Variants in RABGAP1L observed in about 807,000 individuals in gnomAD.
The protein encoded by RABGAP1L is RAB GTPase activating protein 1 like, also known as rab GTPase-activating protein 1-like.
In RABGAP1L, 63 loss-of-function variants were observed where a neutral mutation model predicts 137.7. The observed-to-expected ratio is 0.46, with a 90% CI of 0.37 to 0.56. RABGAP1L has a LOEUF of 0.56. Among genes scored for constraint, RABGAP1L ranks in the 20% least tolerant of loss-of-function variants. The pLI is 0.00. For synonymous variants in RABGAP1L, 431 were observed against 433.7 expected, an observed-to-expected ratio of 0.99 and a Z score of 0.08; for missense variants, 1,095 against 1,244.0, an observed-to-expected ratio of 0.88 and a Z score of 1.80.
At chr1:174,801,508 C>G (rs1011909128) in intron 18 of RABGAP1L, among the ~76,000 whole-genome samples, 2 of 152,170 alleles carry the variant, frequency 1.3e-5, no homozygotes, top group African/African-American at 4.8e-5. Context: ...ACAATCATAA[C>G]AGACATGTTA....
chr1:174,822,034 G>A (rs942804318), intron 19 of RABGAP1L, among the ~76,000 whole-genome samples: 10 of 152,156 alleles, frequency 6.6e-5, no homozygotes, highest in African/African-American at 1.2e-4. Flanking sequence ...AGGCCGAGGC[G>A]GGTGGATCAC....
At chr1:174,665,076 G>A (rs567798084) in intron 14 of RABGAP1L, among the ~76,000 whole-genome samples, 10 of 152,200 alleles carry the variant, frequency 6.6e-5, no homozygotes, top group African/African-American at 1.9e-4. Flanking sequence ...TCATTTTTCT[G>A]ATTGGTTTAT....
At chr1:174,407,844 A>T (rs1649454281) in intron 13 of RABGAP1L, among the ~76,000 whole-genome samples, 1 of 152,138 alleles carries the variant, frequency 6.6e-6, no homozygotes, top group African/African-American at 2.4e-5. Context: ...GCACTAAACA[A>T]TGAGAAATAT....
chr1:174,595,843 C>T (rs752775986), intron 13 of RABGAP1L, among the ~76,000 whole-genome samples: 4 of 89,090 alleles, frequency 4.5e-5, no homozygotes, highest in Non-Finnish European at 8.4e-5. Flanking sequence ...GTGGAGCCTA[C>T]AGAGGCAGGC....
Position 174,967,894 on chromosome 1 carries a change from T to C in RABGAP1L, c.2434-1383T>C, listed in dbSNP as rs1169859397. On this transcript the variant is annotated intron_variant, in intron 20 of 25. Coordinates refer to ENST00000681986, the MANE Select transcript of RABGAP1L (RefSeq NM_001366446.1). Reference sequence around the variant, plus strand: ...TTTTAGTCGATATGTTTTTCAATAATGTTTTAACATTCTCCAACTATTCTT... The same window carrying C: ...TTTTAGTCGATATGTTTTTCAATAACGTTTTAACATTCTCCAACTATTCTT... 2.0e-5 allele frequency among the ~76,000 whole-genome samples: 3 copies of C among 150,836 alleles called. No individual in the cohort carries two copies. In the East Asian group the frequency reaches 5.8e-4, roughly 29 times the overall value.
intron 17 of RABGAP1L, among the ~76,000 whole-genome samples, chr1:174,738,199 G>A (rs1683107846): frequency 6.6e-6 from 1 of 152,140 alleles, no homozygotes; most frequent in Non-Finnish European, 1.5e-5. Flanking sequence ...AAGAAATGGG[G>A]TCCCTGCCAC....
At chr1:174,600,448 G>T (rs1240951146) in intron 13 of RABGAP1L, among the ~76,000 whole-genome samples, 3 of 152,118 alleles carry the variant, frequency 2.0e-5, no homozygotes, top group Non-Finnish European at 4.4e-5. Flanking sequence ...CTGAGACAAG[G>T]CAAGTGCCTT....
Position 174,575,839 on chromosome 1 carries a change from C to T in RABGAP1L, c.1711-61536C>T, listed in dbSNP as rs185493488. 6.0e-3 allele frequency among the ~76,000 whole-genome samples: 909 copies of T among 152,274 alleles called. 16 individuals carry two copies. Among genetic ancestry groups the T allele is most frequent in the African/African-American group, 0.021 (873 of 41,558 alleles). ...AAGCTGGGTCCAGGAGGGTCACCGC[C>T]TTCTGGTCCTGCAATGCTGCCAATG... is the stretch of plus-strand genomic sequence containing the variant. On this transcript the variant is annotated intron_variant, in intron 13 of 25. Coordinates refer to ENST00000681986, the MANE Select transcript of RABGAP1L (RefSeq NM_001366446.1).
intron 1 of RABGAP1L, among the ~76,000 whole-genome samples, chr1:174,213,835 A>G (rs1392041284): frequency 6.6e-6 from 1 of 152,244 alleles, no homozygotes; most frequent in Non-Finnish European, 1.5e-5. Context: ...AGGAAGAAAT[A>G]TACTTCAACA....
chr1:174,265,614 C>CAA (rs1673996921), intron 7 of RABGAP1L, among the ~76,000 whole-genome samples: 1 of 149,718 alleles, frequency 6.7e-6, no homozygotes, highest in African/African-American at 2.4e-5. Context: ...TAAATTTTGA[C>CAA]CCTTTATTAA....
intron 18 of RABGAP1L, among the ~76,000 whole-genome samples, chr1:174,787,772 A>T (rs1177017983): frequency 6.6e-6 from 1 of 152,148 alleles, no homozygotes; most frequent in Non-Finnish European, 1.5e-5. Flanking sequence ...ACATATGGAG[A>T]ATAGTTAGGA....
At chr1:174,383,756 C>T (rs540938851) in intron 12 of RABGAP1L, among the ~76,000 whole-genome samples, 8 of 152,176 alleles carry the variant, frequency 5.3e-5, no homozygotes, top group African/African-American at 1.2e-4. Flanking sequence ...TCTTCTGCGT[C>T]GCTCATGCTG....
At chr1:174,535,773 G>A (rs1210750306) in intron 13 of RABGAP1L, among the ~76,000 whole-genome samples, 1 of 152,050 alleles carries the variant, frequency 6.6e-6, no homozygotes, top group Admixed American at 6.5e-5. Flanking sequence ...ACTGACAACA[G>A]GCTATCAGCT....
intron 13 of RABGAP1L, among the ~76,000 whole-genome samples, chr1:174,635,093 T>C (rs919196716): frequency 2.6e-5 from 4 of 151,882 alleles, no homozygotes; most frequent in Non-Finnish European, 5.9e-5. Flanking sequence ...AAAAAATTAC[T>C]CAGTGTTAGG....
intron 13 of RABGAP1L, among the ~76,000 whole-genome samples, chr1:174,586,765 T>A (rs530869038): frequency 3.9e-5 from 6 of 152,144 alleles, no homozygotes; most frequent in East Asian, 3.9e-4. Flanking sequence ...CCCAGCTAAT[T>A]TTGTATTTTT....
intron 19 of RABGAP1L, 116 bp downstream of exon 19, chr1:174,812,076 G>A (rs1689928005): frequency 1.0e-6 from 1 of 960,186 alleles, no homozygotes; most frequent in Non-Finnish European, 1.4e-6. Flanking sequence ...AGATTAGATT[G>A]TGTATGAACT....
At position 174,510,046 on chromosome 1, in the gene RABGAP1L, A is replaced by G. The variant is rs867471928; in HGVS notation, c.1710+115901A>G. ...AGTCCATTCTACCCACAGTTCATAG[A>G]TGTGCTTTCTTAAGAACTGGACTGG... On this transcript the variant is annotated intron_variant, in intron 13 of 25. Coordinates refer to ENST00000681986, the MANE Select transcript of RABGAP1L (RefSeq NM_001366446.1). Among the ~76,000 whole-genome samples the G allele has an allele frequency of 2.0e-5, 3 of 152,184 alleles. No individual in the cohort carries two copies. In the South Asian group the frequency reaches 6.2e-4, roughly 32 times the overall value.
chr1:174,390,504 A>G (rs974957277), intron 12 of RABGAP1L, among the ~76,000 whole-genome samples: 1 of 152,198 alleles, frequency 6.6e-6, no homozygotes, highest in South Asian at 2.1e-4. Flanking sequence ...CATTATATAA[A>G]ATATTACAGT....
At chr1:174,853,654 C>G (rs191773271) in intron 19 of RABGAP1L, among the ~76,000 whole-genome samples, 3 of 152,256 alleles carry the variant, frequency 2.0e-5, no homozygotes. Flanking sequence ...TTGCTTGAAC[C>G]TGGGAGGTGG....
Sources: allele counts gnomAD v4.1 joint callset (sites outside exome capture counted in the v4.1 genomes callset), GRCh38; gene constraint gnomAD v4.1.1; transcripts MANE v1.5; gene names NCBI Gene and HGNC (gene_info 2026-07-23, HGNC 2026-07-21).